The following ZBTB48 variants were observed in gnomAD, a reference collection of about 807,000 sequenced individuals.
The protein encoded by ZBTB48 is zinc finger and BTB domain-containing protein 48.
Under a neutral mutation model 64.5 loss-of-function variants are expected in ZBTB48, and 35 were observed. The observed-to-expected ratio is 0.54, with a 90% CI of 0.41 to 0.72. ZBTB48 has a LOEUF of 0.72. Ranked by LOEUF, ZBTB48 falls within the 30% of genes least tolerant of loss-of-function variation. The pLI is 0.00. For missense variants in ZBTB48, 828 were observed against 895.3 expected (o/e 0.92, Z 0.96); for synonymous variants, 442 against 356.7 (o/e 1.24, Z -2.70).
intron 3 of ZBTB48, chr1:6,585,524 G>A: frequency 4.9e-6 from 1 of 203,496 alleles, no homozygotes. Context: ...CTACCTGGGA[G>A]AAGCTGTTGC....
chr1:6,585,095 G>A lies in ZBTB48; in HGVS notation c.933-824G>A, dbSNP rs114165440. Among the ~76,000 whole-genome samples, 783 of 152,286 alleles carry A rather than the reference G, an allele frequency of 5.1e-3. 4 individuals are homozygous for A. The highest frequency in any genetic ancestry group is 7.0e-3 in the Non-Finnish European group (476 of 68,012). ...GCGGGCCAAGGGGTTGGGGAGTTGT[G>A]AGTGGGGTTCGATTGCGATTTTAAG... On this transcript the variant is annotated intron_variant, in intron 3 of 10. Transcript: ENST00000377674.
rs911058312 is a variant in ZBTB48, at chr1:6,580,001, G to T, written c.-205G>T. ...GCGCACCTCCTGGCCTGCACGCTTTGACGTCACGTCCGGCGCGGAGACGGT... is the reference window on the plus strand; with the variant it reads ...GCGCACCTCCTGGCCTGCACGCTTTTACGTCACGTCCGGCGCGGAGACGGT... On this transcript the variant is annotated 5_prime_UTR_variant, in exon 1 of 11. Transcript: ENST00000377674. This position sits in a 1 kb window ranked among gnomAD's most constrained non-coding sequence, Gnocchi z 5.2. The T allele has an allele frequency of 3.8e-5, 8 of 211,618 alleles. No individual in the cohort carries two copies. The highest frequency in any genetic ancestry group is 1.6e-4 in the Admixed American group (3 of 19,138). The allele number at this position is 211,618 out of a possible 1,614,324, so 13.1% of individuals were successfully genotyped here. A position where few individuals can be genotyped will look rare whatever the true frequency, so the allele number is the denominator to read the frequency against.
At chr1:6,587,087 C>A in intron 5 of ZBTB48, 118 bp from the exon 6 acceptor site, 1 of 1,128,240 alleles carries the variant, frequency 8.9e-7, no homozygotes, top group Non-Finnish European at 1.3e-6. Context: ...GATCAGGGGT[C>A]CTCCCAGAAT....
chr1:6,588,143 C>G lies in ZBTB48; in HGVS notation c.1463C>G (p.Thr488Arg). 6.2e-7 allele frequency: 1 copy of G among 1,614,184 alleles called. No individual in the cohort carries two copies. Among genetic ancestry groups the G allele is most frequent in the Admixed American group, 1.7e-5 (1 of 60,034 alleles). The change falls in exon 8 of 11, where the codon ACG (threonine) becomes AGG (arginine). Residue 488 changes from threonine (T) to arginine (R), a missense_variant. Thr to Arg is a moderately conservative substitution (Grantham distance 71). Transcript: ENST00000377674. Reference protein sequence around the residue: ...ANLNMHLRTHTGEKPFQCHLC... With the variant: ...ANLNMHLRTHRGEKPFQCHLC... ...CTCAACATGCACCTGCGCACACACA[C>G]GGGTGAGAAGCCCTTCCAGTGCCAC...
In ZBTB48 at chr1:6,586,706, C is replaced by T. The variant is rs951039838; in HGVS notation, c.1056C>T (p.Cys352=). 4 of 1,560,434 alleles carry T rather than the reference C, an allele frequency of 2.6e-6. No individual in the cohort carries two copies. The highest frequency in any genetic ancestry group is 3.5e-6 in the Non-Finnish European group (4 of 1,151,968). ...CCTCACACTGCCAGGTCTTCACGTG[C>T]TCTGTGTGCCAGGAGACATTCCGCC... is the stretch of plus-strand genomic sequence containing the variant. ...CMNRSEQVFT[C]SVCQETFRRR... The change falls in exon 5 of 11, where the codon TGC becomes TGT. Residue 352 remains cysteine, a synonymous_variant. Coordinates refer to ENST00000377674, the MANE Select transcript of ZBTB48 (RefSeq NM_005341.4).
intron 3 of ZBTB48, among the ~76,000 whole-genome samples, chr1:6,582,817 C>T (rs1640518312): frequency 6.6e-6 from 1 of 152,160 alleles, no homozygotes; most frequent in South Asian, 2.1e-4. Flanking sequence ...ACCAGGAACT[C>T]CAGGAGCTAT....
At chr1:6,583,372 C>T (rs532693576) in intron 3 of ZBTB48, among the ~76,000 whole-genome samples, 5 of 152,274 alleles carry the variant, frequency 3.3e-5, no homozygotes, top group African/African-American at 9.6e-5. Flanking sequence ...ATGAGATCGG[C>T]TCACTGCAAC....
At position 6,587,573 on chromosome 1, in the gene ZBTB48, G is replaced by A; in HGVS notation, c.1320G>A (p.Glu440=). Residue 440 remains glutamate (E), a synonymous_variant, in exon 7 of 11, where the codon GAG becomes GAA. Coordinates refer to ENST00000377674, the MANE Select transcript of ZBTB48 (RefSeq NM_005341.4). ...GTGAGAAGCTGTTTGTGTGTGAGGA[G>A]TGTGGGCACCGGGCCTCGAGCCGGA... The part of the protein sequence containing the change: ...HRGEKLFVCE[E]CGHRASSRNG... 6.2e-7 allele frequency: 1 copy of A among 1,614,004 alleles called. No individual in the cohort carries two copies. Among genetic ancestry groups the A allele is most frequent in the African/African-American group, 1.3e-5 (1 of 75,050 alleles).
rs778648173 is a variant in ZBTB48 at position 6,582,283 on chromosome 1, C to G, written c.916C>G (p.Leu306Val). The G allele has an allele frequency of 1.9e-6, 3 of 1,611,216 alleles. No individual in the cohort carries two copies. The highest frequency in any genetic ancestry group is 2.2e-5 in the East Asian group (1 of 44,824). The change falls in exon 3 of 11, where the codon CTA (leucine) becomes GTA (valine). Residue 306 changes from leucine (L) to valine (V), a missense_variant. Physicochemically the swap from Leu to Val is conservative, Grantham distance 32. Transcript: ENST00000377674. Reference sequence around the variant, plus strand: ...TAAAAAGTTCCTCAGCAAATATTATCTAAAAGTCCACAACAGGTAAACGTT... The same window carrying G: ...TAAAAAGTTCCTCAGCAAATATTATGTAAAAGTCCACAACAGGTAAACGTT... The part of the protein sequence containing the change: ...CHKKFLSKYY[L>V]KVHNRKHTGE...
rs777122198 is a variant in ZBTB48 at position 6,589,122 on chromosome 1, A to G, written c.1977A>G (p.Arg659=). The G allele has an allele frequency of 1.1e-5, 18 of 1,606,158 alleles. No homozygotes were observed. The African/African-American group carries it at 1.9e-4, about 17-fold the overall frequency. ...GGLASQLPGQ[R]LCAEESFTGP... is the part of the protein sequence containing the mutation. ...TGGCCTCCCAGCTCCCCGGCCAGAG[A>G]CTGTGTGCAGAGGAGAGCTTCACCG... The change falls in exon 11 of 11, where the codon AGA becomes AGG. Residue 659 remains arginine, a synonymous_variant. Transcript: ENST00000377674.
At chr1:6,587,337 A>T (rs1179677917) in intron 6 of ZBTB48, 46 bp downstream of exon 6, 13 of 1,613,240 alleles carry the variant, frequency 8.1e-6, no homozygotes, top group Non-Finnish European at 1.0e-5. Context: ...TGGCATGAGC[A>T]AGAGTGAGCT....
Position 6,589,077 on chromosome 1 carries a change from G to A in ZBTB48, c.1932G>A (p.Glu644=). Reference sequence around the variant, plus strand: ...TGGGCTCGGCGGAGGTCATTGTGGAGTCCCTGGCCCAGGGCGGCCTGGCCT... The same window carrying A: ...TGGGCTCGGCGGAGGTCATTGTGGAATCCCTGGCCCAGGGCGGCCTGGCCT... The part of the protein sequence containing the change: ...LEVGSAEVIV[E]SLAQGGLASQ... The change falls in exon 11 of 11, where the codon GAG becomes GAA. Residue 644 remains glutamate (E), a synonymous_variant. Transcript: ENST00000377674. The A allele has an allele frequency of 6.2e-7, 1 of 1,608,004 alleles. No individual in the cohort carries two copies. The highest frequency in any genetic ancestry group is 8.5e-7 in the Non-Finnish European group (1 of 1,177,820).
At chr1:6,582,328 T>G in intron 3 of ZBTB48, 29 bp downstream of exon 3, 1 of 1,599,194 alleles carries the variant, frequency 6.3e-7, no homozygotes. Context: ...TATTTTCTTT[T>G]CCTGTCTGCC....
Position 6,580,582 on chromosome 1 carries a change from T to C in ZBTB48, c.-28T>C. On this transcript the variant is annotated 5_prime_UTR_variant, in exon 2 of 11. Coordinates refer to ENST00000377674, the MANE Select transcript of ZBTB48 (RefSeq NM_005341.4). The surrounding 1 kb of genome is among the most constrained non-coding windows in gnomAD (Gnocchi z 5.2). ...ACCCTCGCTTAGGCTGGCCGGGGTG[T>C]CACTTCTGCCTCCCTGCCCTCCAGA... The C allele has an allele frequency of 1.9e-6, 3 of 1,589,204 alleles. No individual in the cohort carries two copies. The highest frequency in any genetic ancestry group is 8.6e-7 in the Non-Finnish European group (1 of 1,164,828).
chr1:6,585,956 T>C lies in ZBTB48; in HGVS notation c.970T>C (p.Cys324Arg). ...GGAGAAACCCTTTGAGTGTCCCAAA[T>C]GTGGGAAGTGTTACTTTCGGAAGGA... ...TGEKPFECPKCGKCYFRKENL... is the reference protein window; with the variant it reads ...TGEKPFECPKRGKCYFRKENL... Residue 324 changes from cysteine (C) to arginine (R), a missense_variant, in exon 4 of 11, where the codon TGT (cysteine) becomes CGT (arginine). By Grantham distance (180) the Cys-to-Arg change is radical (BLOSUM62 -3). Transcript: ENST00000377674. 1.2e-6 allele frequency: 2 copies of C among 1,614,030 alleles called. No individual in the cohort carries two copies. The highest frequency in any genetic ancestry group is 1.7e-6 in the Non-Finnish European group (2 of 1,179,958).
At chr1:6,587,986 G>C in intron 7 of ZBTB48, 74 bp from the exon 8 acceptor site, 1 of 1,583,288 alleles carries the variant, frequency 6.3e-7, no homozygotes, top group Non-Finnish European at 8.6e-7. Flanking sequence ...CACCAGGCAT[G>C]CTCCTAGCTG....
rs373748572 is a variant in ZBTB48 at position 6,588,779 on chromosome 1, G to A, written c.1705G>A (p.Val569Ile). 16 of 1,614,026 alleles carry A rather than the reference G, an allele frequency of 9.9e-6. No homozygotes were observed. Among genetic ancestry groups the A allele is most frequent in the Admixed American group, 6.7e-5 (4 of 60,010 alleles). Residue 569 changes from valine to isoleucine, a missense_variant, in exon 10 of 11, where the codon GTC becomes ATC. By Grantham distance (29) the Val-to-Ile change is conservative. Transcript: ENST00000377674. ...AGCCGTGGAGCAACTGCGTGTGCAC[G>A]TCAGACGGCACAAGGGGGTGAGGAA... Reference protein sequence around the residue: ...FKAVEQLRVHVRRHKGVRKFE... With the variant: ...FKAVEQLRVHIRRHKGVRKFE...
rs549700840 is a variant in ZBTB48 at position 6,587,711 on chromosome 1, C to G, written c.1379+79C>G. ...GCACCGGCAGGGAAGACAGAGTTTGCTGACTTTTACACAGATGAGTGTGCC... is the reference window on the plus strand; with the variant it reads ...GCACCGGCAGGGAAGACAGAGTTTGGTGACTTTTACACAGATGAGTGTGCC... On this transcript the variant is annotated intron_variant, in intron 7 of 10. Transcript: ENST00000377674. 2.3e-5 allele frequency: 36 copies of G among 1,573,180 alleles called. 1 individual carries two copies. In the South Asian group the frequency reaches 3.8e-4, roughly 17 times the overall value.
chr1:6,589,151 CAG>C lies in ZBTB48; in HGVS notation c.2007_2008del (p.Gly670CysfsTer17). 3 of 1,576,458 alleles carry C rather than the reference CAG, an allele frequency of 1.9e-6. No individual in the cohort carries two copies. Among genetic ancestry groups the C allele is most frequent in the Non-Finnish European group, 2.6e-6 (3 of 1,164,738 alleles). ...TGTGCAGAGGAGAGCTTCACCGGCC[CAG>C]GTGTCCTGGAGCCCTCCCTCATCAT... On this transcript the variant is annotated frameshift_variant, in exon 11 of 11. Transcript: ENST00000377674. LOFTEE classifies it high-confidence loss of function.
Sources: allele counts gnomAD v4.1 joint callset (sites outside exome capture counted in the v4.1 genomes callset), GRCh38; gene constraint gnomAD v4.1.1; non-coding constraint Gnocchi (gnomAD v3.1); transcripts MANE v1.5; gene names NCBI Gene and HGNC (gene_info 2026-07-23, HGNC 2026-07-21).